Variants in MAP3K20 observed in about 807,000 individuals in gnomAD.
MAP3K20 encodes HCCS-4.
In MAP3K20, 40 loss-of-function variants were observed where a neutral mutation model predicts 85.7. The ratio of observed to expected loss-of-function variants is 0.47; its 90% CI spans 0.36 to 0.61. The LOEUF (loss-of-function observed/expected upper bound fraction) is 0.61. Among genes scored for constraint, MAP3K20 ranks in the 20% least tolerant of loss-of-function variants. The probability of loss-of-function intolerance (pLI) is 0.00; values close to 1 mark genes in which losing one functional copy is unlikely to be tolerated. For missense variants in MAP3K20, 817 were observed against 961.7 expected (o/e 0.85, Z 1.99); for synonymous variants, 325 against 327.7 (o/e 0.99, Z 0.09).
intron 11 of MAP3K20, chr2:173,221,482 T>C (rs1436545122): frequency 3.1e-6 from 5 of 1,609,212 alleles, no homozygotes; most frequent in Non-Finnish European, 4.3e-6. Flanking sequence ...ACGATGATGA[T>C]GATGATGACG....
chr2:173,128,669 T>G (rs1688517573), intron 2 of MAP3K20, among the ~76,000 whole-genome samples: 1 of 152,140 alleles, frequency 6.6e-6, no homozygotes, highest in Non-Finnish European at 1.5e-5. Context: ...TGCTGTTCTT[T>G]GCATTAATTC....
intron 8 of MAP3K20, among the ~76,000 whole-genome samples, chr2:173,201,796 G>A (rs148545141): frequency 1.7e-3 from 257 of 152,146 alleles, no homozygotes; most frequent in Middle Eastern, 6.8e-3. Context: ...ACTTTTTAAC[G>A]CACCAAAATA....
chr2:173,151,947 C>T (rs2106228210), intron 2 of MAP3K20, among the ~76,000 whole-genome samples: 1 of 152,352 alleles, frequency 6.6e-6, no homozygotes, highest in Non-Finnish European at 1.5e-5. Context: ...ACAGTTATTA[C>T]ATTCATTCAT....
At chr2:173,225,603 A>C (rs1163113983) in intron 11 of MAP3K20, 9 of 965,932 alleles carry the variant, frequency 9.3e-6, no homozygotes, top group Non-Finnish European at 1.1e-5. Context: ...CAAAAAAAAA[A>C]AAAAACAAAA....
intron 11 of MAP3K20, among the ~76,000 whole-genome samples, chr2:173,218,834 T>C (rs1478289428): frequency 6.6e-6 from 1 of 152,178 alleles, no homozygotes. Context: ...CTTAGTAACA[T>C]AGTTGCGTAA....
chr2:173,183,071 C>A, intron 4 of MAP3K20, 116 bp downstream of exon 4: 1 of 771,808 alleles, frequency 1.3e-6, no homozygotes, highest in Non-Finnish European at 2.1e-6. Context: ...TTTTCCAGAC[C>A]AAAAGTAGTA....
chr2:173,141,674 C>G (rs914512319), intron 2 of MAP3K20, among the ~76,000 whole-genome samples: 4 of 151,942 alleles, frequency 2.6e-5, no homozygotes, highest in African/African-American at 4.8e-5. Context: ...CTTCAAGTGC[C>G]CCAACTTTGA....
chr2:173,102,501 C>T (rs1337769846), intron 2 of MAP3K20, among the ~76,000 whole-genome samples: 1 of 152,034 alleles, frequency 6.6e-6, no homozygotes, highest in Non-Finnish European at 1.5e-5. Flanking sequence ...TGATTCATGA[C>T]CTGAGAAAAA....
At chr2:173,141,718 A>G (rs1162222557) in intron 2 of MAP3K20, among the ~76,000 whole-genome samples, 1 of 152,202 alleles carries the variant, frequency 6.6e-6, no homozygotes, top group Non-Finnish European at 1.5e-5. Flanking sequence ...CAGCAAGCTC[A>G]GAAAACCCCA....
chr2:173,247,150 A>G (rs897382386), intron 16 of MAP3K20, among the ~76,000 whole-genome samples: 2 of 152,242 alleles, frequency 1.3e-5, no homozygotes, highest in East Asian at 3.9e-4. Flanking sequence ...AATTCAATCA[A>G]TAGTTCTGCT....
At chr2:173,075,711 G>A, upstream of MAP3K20, 1 of 868,548 alleles carries the variant, frequency 1.2e-6, no homozygotes, top group Non-Finnish European at 1.3e-6. Context: ...GCGCGGGGCG[G>A]ATGGTGCCCC....
rs559381988 is a variant in MAP3K20 at position 173,154,533 on chromosome 2, C to T, written c.160-15272C>T. Among the ~76,000 whole-genome samples the T allele has an allele frequency of 2.0e-5, 3 of 152,246 alleles. No homozygotes were observed. In the South Asian group the frequency reaches 6.2e-4, roughly 32 times the overall value. On this transcript the variant is annotated intron_variant, in intron 2 of 19. Coordinates refer to ENST00000375213, the MANE Select transcript of MAP3K20 (RefSeq NM_016653.3). Reference sequence around the variant, plus strand: ...GACACTGTCCATTACCTCCCAACTTCCCTAATTTTAATACAGATCCTTCAC... The same window carrying T: ...GACACTGTCCATTACCTCCCAACTTTCCTAATTTTAATACAGATCCTTCAC...
intron 9 of MAP3K20, among the ~76,000 whole-genome samples, chr2:173,208,616 AAG>A (rs1683771342): frequency 6.6e-6 from 1 of 152,164 alleles, no homozygotes; most frequent in African/African-American, 2.4e-5. Context: ...GTGCCCTTGA[AAG>A]AGAATAATAA....
intron 11 of MAP3K20, chr2:173,221,345 G>C: frequency 6.2e-7 from 1 of 1,614,012 alleles, no homozygotes; most frequent in Admixed American, 1.7e-5. Context: ...AGCAGGAGCT[G>C]TGATGCATTC....
chr2:173,148,453 T>A (rs1689199712), intron 2 of MAP3K20, among the ~76,000 whole-genome samples: 2 of 152,226 alleles, frequency 1.3e-5, no homozygotes, highest in Non-Finnish European at 2.9e-5. Flanking sequence ...TTGGAATTTA[T>A]TCCACTATCT....
In MAP3K20 at chr2:173,079,680, C is replaced by T. The variant is rs1686961663; in HGVS notation, c.-35+3678C>T. 2.0e-5 allele frequency among the ~76,000 whole-genome samples: 3 copies of T among 151,720 alleles called. No homozygotes were observed. In the South Asian group the frequency reaches 6.3e-4, roughly 32 times the overall value. On this transcript the variant is annotated intron_variant, in intron 1 of 19. Transcript: ENST00000375213. ...AAAAAAATTTGTTTTGCTTCTTAAACTTTGTTAAAAACTAAGACAGAAACA... is the reference window on the plus strand; with the variant it reads ...AAAAAAATTTGTTTTGCTTCTTAAATTTTGTTAAAAACTAAGACAGAAACA...
At chr2:173,229,667 T>G (rs1162148057) in intron 11 of MAP3K20, 22 bp from the exon 12 acceptor site, 1 of 1,613,570 alleles carries the variant, frequency 6.2e-7, no homozygotes, top group African/African-American at 1.3e-5. Flanking sequence ...TTTTTTTCAT[T>G]TCATGCATAT....
rs746678214 is a variant in MAP3K20 at position 173,203,784 on chromosome 2, T to G, written c.670-12T>G. 25 of 1,603,944 alleles carry G rather than the reference T, an allele frequency of 1.6e-5. 2 individuals are homozygous for G. In the South Asian group the frequency reaches 2.8e-4, roughly 18 times the overall value. On this transcript the variant is annotated splice_polypyrimidine_tract_variant and intron_variant, in intron 8 of 19. Transcript: ENST00000375213. ...TGTTTTATTTTGTTTTGTTTCCCTC[T>G]GTCTATTGTAGAGATTAACCATTCC... is the stretch of plus-strand genomic sequence containing the variant.
chr2:173,079,669 T>G (rs1028427607), intron 1 of MAP3K20, among the ~76,000 whole-genome samples: 4 of 124,458 alleles, frequency 3.2e-5, no homozygotes, highest in Non-Finnish European at 1.7e-5. Context: ...AAATTTGTTT[T>G]GCTTCTTAAA....
Sources: gnomAD v4.1 joint callset for allele counts (sites outside exome capture counted in the v4.1 genomes callset) on GRCh38, gnomAD v4.1.1 for gene constraint, MANE v1.5 for transcripts, NCBI Gene and HGNC (gene_info 2026-07-23, HGNC 2026-07-21) for gene names.